Variants in TMEM223 observed in about 807,000 individuals in gnomAD.
The protein encoded by TMEM223 is transmembrane protein 223.
Under a neutral mutation model 14.1 loss-of-function variants are expected in TMEM223, and 14 were observed. The ratio of observed to expected loss-of-function variants is 0.99; its 90% CI spans 0.66 to 1.55. TMEM223 has a LOEUF of 1.55. Ranked by LOEUF, TMEM223 falls within the 40% of genes most tolerant of loss-of-function variation. The pLI is 0.00. For missense variants in TMEM223, 346 were observed against 269.9 expected, an observed-to-expected ratio of 1.28 and a Z score of -1.97; for synonymous variants, 145 against 120.5, an observed-to-expected ratio of 1.20 and a Z score of -1.33.
downstream of TMEM223, chr11:62,786,428 G>C (rs1357003863): frequency 3.1e-6 from 5 of 1,602,412 alleles, no homozygotes; most frequent in South Asian, 3.3e-5. Flanking sequence ...CCCTGCATGA[G>C]CTTAGCAGCC....
At chr11:62,787,177 G>C (rs749234149), downstream of TMEM223, 6 of 1,585,780 alleles carry the variant, frequency 3.8e-6, no homozygotes, top group South Asian at 6.7e-5. Flanking sequence ...TGCCTTCCCC[G>C]CGCCGTACGG....
chr11:62,782,985 G>A (rs1444659396), downstream of TMEM223, among the ~76,000 whole-genome samples: 1 of 152,218 alleles, frequency 6.6e-6, no homozygotes, highest in Non-Finnish European at 1.5e-5. Context: ...CTTTCTGAAT[G>A]TAAATGTCTT....
chr11:62,780,328 T>C (rs972117122), intron 1 of TMEM223, among the ~76,000 whole-genome samples: 1 of 150,764 alleles, frequency 6.6e-6, no homozygotes, highest in Admixed American at 6.6e-5. Flanking sequence ...CTGGCTAACA[T>C]GGTGAAACCC....
chr11:62,788,038 G>A (rs1317788063), downstream of TMEM223: 1 of 456,522 alleles, frequency 2.2e-6, no homozygotes, highest in Non-Finnish European at 4.4e-6. Flanking sequence ...CAGGTAATCT[G>A]GTTAATAAAC....
rs761528474 is a variant in TMEM223 at position 62,777,993 on chromosome 11, G to A, written c.315-3328C>T. On this transcript the variant is annotated intron_variant, in intron 1 of 2. Coordinates refer to the TMEM223 transcript ENST00000528367. ...TTTTCCTCAGGCTGTGTGTGGTTAC[G>A]GATCACAGGAGGCACTGCCCATGCG... is the stretch of plus-strand genomic sequence containing the variant. 8.1e-6 allele frequency: 13 copies of A among 1,614,120 alleles called. No homozygotes were observed. In the South Asian group the frequency reaches 8.8e-5, roughly 11 times the overall value.
At chr11:62,787,487 T>A, downstream of TMEM223, 1 of 1,579,532 alleles carries the variant, frequency 6.3e-7, no homozygotes, top group Non-Finnish European at 8.5e-7. Context: ...GCCGCCTTCC[T>A]GTGCGGGGCC....
At chr11:62,778,527 A>G (rs557687324) in intron 1 of TMEM223, 2 of 668,082 alleles carry the variant, frequency 3.0e-6, no homozygotes, top group East Asian at 5.4e-5. Flanking sequence ...ACCTGTAACT[A>G]GTCATAATGC....
At chr11:62,773,691 G>A (rs535745776) in intron 2 of TMEM223, among the ~76,000 whole-genome samples, 27 of 151,964 alleles carry the variant, frequency 1.8e-4, no homozygotes, top group African/African-American at 3.1e-4. Flanking sequence ...CAGGTGATTC[G>A]CCCGCCTTGG....
chr11:62,790,121 G>A lies in TMEM223; in HGVS notation c.*502C>T. ...CTGTAATCCCCCCCCTCAAGGCCCT[G>A]TTTATGTTGGGAGTCTTAGTTTTCC... On this transcript the variant is annotated 3_prime_UTR_variant, in exon 2 of 2. Transcript: ENST00000307366. 1 of 926,364 alleles carries A rather than the reference G, an allele frequency of 1.1e-6. No individual in the cohort carries two copies. The highest frequency in any genetic ancestry group is 1.5e-6 in the Non-Finnish European group (1 of 656,694). The allele number at this position is 926,364 out of a possible 1,614,324, so 57.4% of individuals were successfully genotyped here. A position where few individuals can be genotyped will look rare whatever the true frequency, so the allele number is the denominator to read the frequency against.
intron 1 of TMEM223, among the ~76,000 whole-genome samples, chr11:62,776,188 G>C (rs2084186933): frequency 6.6e-6 from 1 of 152,184 alleles, no homozygotes; most frequent in Non-Finnish European, 1.5e-5. Flanking sequence ...TTCTGCATGT[G>C]AGAAACTGAG....
At chr11:62,787,841 G>A, downstream of TMEM223, 1 of 646,694 alleles carries the variant, frequency 1.5e-6, no homozygotes, top group Non-Finnish European at 2.9e-6. Flanking sequence ...AGTCAGTGCA[G>A]AACCTGCGTC....
At chr11:62,778,779 TG>T in intron 1 of TMEM223, 1 of 1,071,460 alleles carries the variant, frequency 9.3e-7, no homozygotes, top group Non-Finnish European at 1.4e-6. Context: ...TGGATGTGTG[TG>T]GGGATGGTGG....
At chr11:62,781,686 A>G in intron 1 of TMEM223, 1 of 455,144 alleles carries the variant, frequency 2.2e-6, no homozygotes, top group South Asian at 2.2e-5. Flanking sequence ...AAAGTTGGAC[A>G]TTCAGGTTGT....
chr11:62,791,607 C>G (rs115969060), intron 1 of TMEM223, 72 bp downstream of exon 1: 1 of 1,432,020 alleles, frequency 7.0e-7, no homozygotes, highest in African/African-American at 1.4e-5. Flanking sequence ...CCCTGACTCT[C>G]CCTGCCTGTA....
rs1455469306 is a variant in TMEM223 at position 62,790,882 on chromosome 11, G to A, written c.350C>T (p.Ser117Phe). The change falls in exon 2 of 2, where the codon TCT (serine) becomes TTT (phenylalanine). Residue 117 changes from serine (S) to phenylalanine (F), a missense_variant. Ser to Phe is a radical substitution (Grantham distance 155). Transcript: ENST00000307366. ...ALVLGAGLLF[S>F]LRSVRSVVLR... ...CACCACTGAGCGCACAGACCGGAGA[G>A]AGAAGAGAAGACCAGCACCGAGTAC... The A allele has an allele frequency of 6.3e-7, 1 of 1,599,038 alleles. No individual in the cohort carries two copies. Among genetic ancestry groups the A allele is most frequent in the East Asian group, 2.3e-5 (1 of 44,352 alleles).
chr11:62,784,979 C>T (rs1485167260), downstream of TMEM223, among the ~76,000 whole-genome samples: 4 of 151,966 alleles, frequency 2.6e-5, no homozygotes, highest in Non-Finnish European at 4.4e-5. Context: ...TTTATATTTA[C>T]TTTAATAAGA....
downstream of TMEM223, among the ~76,000 whole-genome samples, chr11:62,783,825 GC>G (rs2084248844): frequency 6.6e-6 from 1 of 150,740 alleles, no homozygotes; most frequent in African/African-American, 2.4e-5. Flanking sequence ...GAGCCACCAC[GC>G]CCAGCCGATT....
At chr11:62,772,631 A>T (rs911926777) in intron 2 of TMEM223, among the ~76,000 whole-genome samples, 1 of 151,434 alleles carries the variant, frequency 6.6e-6, no homozygotes, top group Admixed American at 6.6e-5. Context: ...GGAGTTCCAG[A>T]CCAGCTTGGC....
At chr11:62,787,086 C>T, downstream of TMEM223, 35 of 1,538,136 alleles carry the variant, frequency 2.3e-5, no homozygotes, top group East Asian at 7.4e-5. Flanking sequence ...GCCGTTTCGC[C>T]CCGCGCGGCG....
Sources: allele counts gnomAD v4.1 joint callset (sites outside exome capture counted in the v4.1 genomes callset), GRCh38; gene constraint gnomAD v4.1.1; transcripts MANE v1.5; gene names NCBI Gene and HGNC (gene_info 2026-07-23, HGNC 2026-07-21).